TIMP2: variants seen among roughly 807,000 people sequenced by gnomAD.
The protein encoded by TIMP2 is metalloproteinase inhibitor 2.
Under a neutral mutation model 24.3 loss-of-function variants are expected in TIMP2, and 5 were observed. The ratio of observed to expected loss-of-function variants is 0.21; its 90% CI spans 0.11 to 0.43. The LOEUF is 0.43. Among genes scored for constraint, TIMP2 ranks in the 20% least tolerant of loss-of-function variants. The pLI is 1.00. For synonymous variants in TIMP2, 130 were observed against 123.2 expected, an observed-to-expected ratio of 1.06 and a Z score of -0.37; for missense variants, 221 against 297.5, an observed-to-expected ratio of 0.74 and a Z score of 1.89.
chr17:78,918,076 A>ACACACACACACT (rs1555652973), intron 1 of TIMP2, among the ~76,000 whole-genome samples: 3 of 146,208 alleles, frequency 2.1e-5, no homozygotes, highest in Admixed American at 6.7e-5. Flanking sequence ...ACACACACAC[A>ACACACACACACT]CACACACACA....
Position 78,873,886 on chromosome 17 carries a change from A to G in TIMP2, c.164T>C (p.Val55Ala). Residue 55 changes from valine to alanine, a missense_variant, in exon 2 of 5, where the codon GTG becomes GCG. Val to Ala is a moderately conservative substitution (Grantham distance 64). Transcript: ENST00000262768. ...GCCATAAATGTCGTTTCCAGAGTCC[A>G]CTTCCTTCTCACTGACCGCTTTGGC... Reference protein sequence around the residue: ...IRAKAVSEKEVDSGNDIYGNP... With the variant: ...IRAKAVSEKEADSGNDIYGNP... The G allele has an allele frequency of 2.5e-6, 4 of 1,613,394 alleles. No homozygotes were observed. The highest frequency in any genetic ancestry group is 3.4e-6 in the Non-Finnish European group (4 of 1,179,986).
At chr17:78,873,480 A>G (rs1300016413) in intron 2 of TIMP2, among the ~76,000 whole-genome samples, 3 of 151,874 alleles carry the variant, frequency 2.0e-5, no homozygotes, top group African/African-American at 7.3e-5. Flanking sequence ...TTTTGTAGAG[A>G]TGGATTTTCA....
chr17:78,882,184 C>T (rs930595857), intron 1 of TIMP2, among the ~76,000 whole-genome samples: 2 of 152,182 alleles, frequency 1.3e-5, no homozygotes, highest in Admixed American at 6.5e-5. Context: ...GTTGGCCAGG[C>T]TGGTCTTGAA....
chr17:78,893,116 C>G (rs369357677), intron 1 of TIMP2, among the ~76,000 whole-genome samples: 2 of 143,138 alleles, frequency 1.4e-5, no homozygotes, highest in South Asian at 2.3e-4. Flanking sequence ...TGTGCACATG[C>G]ACATGTGTGT....
At position 78,896,785 on chromosome 17, in the gene TIMP2, G is replaced by A. The variant is rs1053040233; in HGVS notation, c.131-22866C>T. ...ACGGCACCAGGGCCTCCCACAGAGCGGAGTGGACACTGGGCCCATTCTCCT... is the reference window on the plus strand; with the variant it reads ...ACGGCACCAGGGCCTCCCACAGAGCAGAGTGGACACTGGGCCCATTCTCCT... On this transcript the variant is annotated intron_variant, in intron 1 of 4. Transcript: ENST00000262768. The surrounding 1 kb of genome is among the most constrained non-coding windows in gnomAD (Gnocchi z 4.4). 6.6e-6 allele frequency among the ~76,000 whole-genome samples: 1 copy of A among 152,136 alleles called. No individual in the cohort carries two copies. The highest frequency in any genetic ancestry group is 6.5e-5 in the Admixed American group (1 of 15,278).
chr17:78,872,739 C>A (rs2069696319), intron 2 of TIMP2, among the ~76,000 whole-genome samples: 1 of 152,202 alleles, frequency 6.6e-6, no homozygotes, highest in African/African-American at 2.4e-5. Flanking sequence ...GACTCAGGCA[C>A]TGAGAGACTA....
chr17:78,865,111 T>C (rs2069600019), intron 3 of TIMP2, among the ~76,000 whole-genome samples: 1 of 152,098 alleles, frequency 6.6e-6, no homozygotes, highest in Admixed American at 6.6e-5. Context: ...CTTGAGGACA[T>C]TATGCTAAGT....
Position 78,896,261 on chromosome 17 carries a change from C to G in TIMP2, c.131-22342G>C, listed in dbSNP as rs1363464326. The stretch of plus-strand genomic sequence containing the variant: ...GTGCAGGCACTGGCAGGGAAAGCAA[C>G]AGAGCCTTAGCTGAGCCCAAGATGA... On this transcript the variant is annotated intron_variant, in intron 1 of 4. Transcript: ENST00000262768. The surrounding 1 kb of genome is among the most constrained non-coding windows in gnomAD (Gnocchi z 4.4). Among the ~76,000 whole-genome samples the G allele has an allele frequency of 6.6e-6, 1 of 152,202 alleles. No homozygotes were observed. Among genetic ancestry groups the G allele is most frequent in the Admixed American group, 6.5e-5 (1 of 15,288 alleles).
intron 1 of TIMP2, chr17:78,890,635 C>A (rs1443849898): frequency 6.5e-7 from 1 of 1,548,196 alleles, no homozygotes; most frequent in Admixed American, 2.0e-5. Context: ...GGGCCTCTCG[C>A]ATTTAGCATA....
At chr17:78,878,521 G>C (rs1169939177) in intron 1 of TIMP2, among the ~76,000 whole-genome samples, 1 of 152,248 alleles carries the variant, frequency 6.6e-6, no homozygotes, top group African/African-American at 2.4e-5. Flanking sequence ...CACAGACCCG[G>C]TCCTGGTCAG....
intron 1 of TIMP2, among the ~76,000 whole-genome samples, chr17:78,916,218 G>C (rs567492602): frequency 1.3e-5 from 2 of 152,254 alleles, no homozygotes; most frequent in East Asian, 3.9e-4. Context: ...TGGGGGCAGA[G>C]AGAGGCCACC....
At chr17:78,910,733 G>A (rs911748473) in intron 1 of TIMP2, among the ~76,000 whole-genome samples, 7 of 152,032 alleles carry the variant, frequency 4.6e-5, no homozygotes, top group African/African-American at 1.4e-4. Context: ...TTCACTTAAC[G>A]TCTTCCAGTT....
chr17:78,874,722 C>T (rs556990914), intron 1 of TIMP2, among the ~76,000 whole-genome samples: 21 of 151,692 alleles, frequency 1.4e-4, no homozygotes, highest in African/African-American at 4.1e-4. Context: ...GGATTACAGG[C>T]GTCTGTCACC....
At chr17:78,918,386 G>C (rs757529928) in intron 1 of TIMP2, among the ~76,000 whole-genome samples, 2 of 152,094 alleles carry the variant, frequency 1.3e-5, no homozygotes, top group South Asian at 2.1e-4. Flanking sequence ...GCACAGCCAC[G>C]TCCCAGCAAA....
At chr17:78,858,409 C>G (rs933428964) in intron 3 of TIMP2, among the ~76,000 whole-genome samples, 1 of 151,812 alleles carries the variant, frequency 6.6e-6, no homozygotes. Context: ...TGCCACTGCA[C>G]TCCAGCCTGG....
intron 1 of TIMP2, among the ~76,000 whole-genome samples, chr17:78,886,192 C>T (rs575876103): frequency 5.9e-5 from 9 of 152,324 alleles, no homozygotes; most frequent in Admixed American, 5.9e-4. Context: ...ACCCTCCACA[C>T]TGTCTTGCTG....
chr17:78,922,946 C>G (rs1429898794), intron 1 of TIMP2, among the ~76,000 whole-genome samples: 1 of 152,134 alleles, frequency 6.6e-6, no homozygotes, highest in African/African-American at 2.4e-5. Context: ...TCCCTCACAG[C>G]CCCCAGAAGG....
intron 3 of TIMP2, among the ~76,000 whole-genome samples, chr17:78,870,340 CAGG>C (rs1214301290): frequency 6.6e-6 from 1 of 151,094 alleles, no homozygotes; most frequent in Non-Finnish European, 1.5e-5. Context: ...CGCTTGAACC[CAGG>C]AGGTGGAGGT....
intron 1 of TIMP2, among the ~76,000 whole-genome samples, chr17:78,886,781 G>A (rs1406302307): frequency 6.6e-6 from 1 of 152,128 alleles, no homozygotes; most frequent in Non-Finnish European, 1.5e-5. Context: ...CTGGAGTGCA[G>A]CGGCGCAATC....
Sources: gnomAD v4.1 joint callset for allele counts (sites outside exome capture counted in the v4.1 genomes callset) on GRCh38, gnomAD v4.1.1 for gene constraint, Gnocchi (gnomAD v3.1) non-coding constraint, MANE v1.5 for transcripts, NCBI Gene and HGNC (gene_info 2026-07-23, HGNC 2026-07-21) for gene names.